The following CA7 variants were observed in gnomAD, a reference collection of about 807,000 sequenced individuals.
The protein encoded by CA7 is carbonic anhydrase 7, also known as carbonate dehydratase VII.
CA7 carries 13 observed loss-of-function variants against 31.4 expected under a neutral mutation model. The ratio of observed to expected loss-of-function variants is 0.41; its 90% CI spans 0.27 to 0.66. The LOEUF (loss-of-function observed/expected upper bound fraction) is 0.66, where lower values mean the gene tolerates loss of function less well. CA7 is among the 30% of genes least tolerant of loss of function. The pLI, the probability that CA7 is intolerant of heterozygous loss-of-function variation, is 0.28. For missense variants in CA7, 215 were observed against 351.0 expected (o/e 0.61, Z 3.10); for synonymous variants, 128 against 133.2 (o/e 0.96, Z 0.27).
rs771342266 is a variant in CA7 at position 66,853,124 on chromosome 16, A to T, written c.673-252A>T. On this transcript the variant is annotated intron_variant, in intron 6 of 6. Transcript: ENST00000338437. This position sits in a 1 kb window ranked among gnomAD's most constrained non-coding sequence, Gnocchi z 4.5. ...GCTACTGTGTTGGAATCTGAATGCT[A>T]CATTTGCTGATAAGTCTTAGCTAGA... is the stretch of plus-strand genomic sequence containing the variant. Among the ~76,000 whole-genome samples the T allele has an allele frequency of 2.6e-5, 4 of 152,138 alleles. No homozygotes were observed. Among genetic ancestry groups the T allele is most frequent in the African/African-American group, 2.4e-5 (1 of 41,388 alleles).
intron 5 of CA7, among the ~76,000 whole-genome samples, chr16:66,852,424 C>T (rs1961074918): frequency 6.7e-6 from 1 of 149,388 alleles, no homozygotes; most frequent in Admixed American, 6.7e-5. Flanking sequence ...GATCGTGCCA[C>T]TGCACTCCAG....
Position 66,844,856 on chromosome 16 carries a change from C to T in CA7, c.40+329C>T, listed in dbSNP as rs562224660. On this transcript the variant is annotated intron_variant, in intron 1 of 6. Coordinates refer to ENST00000338437, the MANE Select transcript of CA7 (RefSeq NM_005182.3). Reference sequence around the variant, plus strand: ...ACTCACTCGCCCCGGGCGTGCGCAGCGCGTGGGGGTGGCCCAGGGCAGCGG... The same window carrying T: ...ACTCACTCGCCCCGGGCGTGCGCAGTGCGTGGGGGTGGCCCAGGGCAGCGG... 50 of 1,030,824 alleles carry T rather than the reference C, an allele frequency of 4.9e-5. No homozygotes were observed. In the African/African-American group the frequency reaches 8.0e-4, roughly 17 times the overall value. The allele number at this position is 1,030,824 out of a possible 1,614,324, so 63.9% of individuals were successfully genotyped here.
Position 66,850,582 on chromosome 16 carries a change from C to T in CA7, c.280C>T (p.Gln94Ter), listed in dbSNP as rs1402977172. The T allele has an allele frequency of 1.2e-5, 19 of 1,613,900 alleles. No individual in the cohort carries two copies. Among genetic ancestry groups the T allele is most frequent in the Non-Finnish European group, 1.6e-5 (19 of 1,179,886 alleles). ...CCTGGAAGGGCCCTACCGCCTCAAG[C>T]AGTTTCACTTCCACTGGGGCAAGAA... Reference protein sequence around the residue: ...GPLEGPYRLKQFHFHWGKKHD... With the variant: ...GPLEGPYRLK Residue 94 changes from glutamine (Q) to a stop codon, truncating the protein, a stop_gained, in exon 3 of 7, where the codon CAG becomes TAG. Coordinates refer to ENST00000338437, the MANE Select transcript of CA7 (RefSeq NM_005182.3). LOFTEE classifies it high-confidence loss of function.
intron 2 of CA7, among the ~76,000 whole-genome samples, chr16:66,849,988 C>T (rs1961004702): frequency 1.3e-5 from 2 of 151,858 alleles, no homozygotes; most frequent in African/African-American, 4.8e-5. Context: ...GATGTGGTGG[C>T]AGGTGCCTGT....
rs1453576595 is a variant in CA7, at chr16:66,853,658, C to T, written c.*160C>T. The T allele has an allele frequency of 2.2e-6, 2 of 919,480 alleles. No homozygotes were observed. Among genetic ancestry groups the T allele is most frequent in the Admixed American group, 2.8e-5 (1 of 35,970 alleles). The allele number at this position is 919,480 out of a possible 1,614,324, so 57.0% of individuals were successfully genotyped here. ...ACCCTGGAGGCTTCTGGATGGGACC[C>T]TTGAGTCTGGGGCACCCTTCAGCTG... On this transcript the variant is annotated 3_prime_UTR_variant, in exon 7 of 7. Transcript: ENST00000338437. This position sits in a 1 kb window ranked among gnomAD's most constrained non-coding sequence, Gnocchi z 4.5.
chr16:66,851,642 C>G, intron 4 of CA7, 22 bp from the exon 5 acceptor site: 1 of 1,613,984 alleles, frequency 6.2e-7, no homozygotes, highest in Non-Finnish European at 8.5e-7. Flanking sequence ...GCTCTGGGCT[C>G]ACACTGCCCT....
At position 66,844,981 on chromosome 16, in the gene CA7, C is replaced by T. The variant is rs1029161861; in HGVS notation, c.40+454C>T. 5 of 993,228 alleles carry T rather than the reference C, an allele frequency of 5.0e-6. No homozygotes were observed. In the South Asian group the frequency reaches 1.4e-4, roughly 28 times the overall value. 61.5% of individuals were successfully genotyped at this position (993,228 alleles called of 1,614,324 possible). On this transcript the variant is annotated intron_variant, in intron 1 of 6. Transcript: ENST00000338437. ...GGAGCGGGGCTCCGCGTGGCAAGGG[C>T]GCAGTGTCCCCCGGAGAGAATTTCC...
intron 1 of CA7, among the ~76,000 whole-genome samples, chr16:66,846,101 G>A (rs544215793): frequency 6.6e-6 from 1 of 152,166 alleles, no homozygotes; most frequent in Non-Finnish European, 1.5e-5. Flanking sequence ...GTTCCCCAGG[G>A]AGATGCTGAG....
chr16:66,850,478 G>A (rs1961017018), intron 2 of CA7, 63 bp from the exon 3 acceptor site: 1 of 934,170 alleles, frequency 1.1e-6, no homozygotes, highest in East Asian at 2.4e-5. Flanking sequence ...TGCTGCCCTG[G>A]TCCTGGCACT....
chr16:66,844,834 C>A, intron 1 of CA7: 1 of 945,540 alleles, frequency 1.1e-6, no homozygotes, highest in Non-Finnish European at 1.4e-6. Flanking sequence ...GACTCTCACT[C>A]ACTCGCCCCG....
chr16:66,851,766 G>A (rs776799283), intron 5 of CA7, 40 bp downstream of exon 5: 1 of 1,571,370 alleles, frequency 6.4e-7, no homozygotes, highest in Non-Finnish European at 8.7e-7. Flanking sequence ...CCGATGGGGA[G>A]AGAGGAAGAG....
intron 1 of CA7, chr16:66,844,884 G>A (rs1299526781): frequency 9.3e-7 from 1 of 1,069,998 alleles, no homozygotes; most frequent in African/African-American, 1.7e-5. Context: ...GGCAGCGGGG[G>A]GCGGGCGCCG....
chr16:66,852,228 C>T (rs909090969), intron 5 of CA7, among the ~76,000 whole-genome samples: 2 of 151,974 alleles, frequency 1.3e-5, no homozygotes, highest in Admixed American at 6.6e-5. Context: ...TTTGGGAGGC[C>T]GAGGCAGGCG....
chr16:66,852,566 G>T, intron 5 of CA7, 146 bp from the exon 6 acceptor site: 1 of 503,886 alleles, frequency 2.0e-6, no homozygotes, highest in East Asian at 3.6e-5. Context: ...AAGAAAGAAA[G>T]AAAAAGAAAG....
At chr16:66,845,446 G>A (rs913484856) in intron 1 of CA7, among the ~76,000 whole-genome samples, 1 of 152,178 alleles carries the variant, frequency 6.6e-6, no homozygotes, top group African/African-American at 2.4e-5. Context: ...ACTTTGTGAG[G>A]TTGGGTGGGG....
Position 66,850,663 on chromosome 16 carries a change from C to T in CA7, c.357+4C>T, listed in dbSNP as rs753248584. The T allele has an allele frequency of 1.6e-5, 25 of 1,583,440 alleles. No individual in the cohort carries two copies. In the African/African-American group the frequency reaches 1.9e-4, roughly 12 times the overall value. On this transcript the variant is annotated splice_donor_region_variant and intron_variant, in intron 3 of 6. Coordinates refer to ENST00000338437, the MANE Select transcript of CA7 (RefSeq NM_005182.3). Reference sequence around the variant, plus strand: ...CGGCAAGTCCTTCCCCAGCGAGGTACGGGCCCTCCTCCACTTGAATCCCTC... The same window carrying T: ...CGGCAAGTCCTTCCCCAGCGAGGTATGGGCCCTCCTCCACTTGAATCCCTC...
intron 5 of CA7, 84 bp downstream of exon 5, chr16:66,851,810 A>C (rs1247204660): frequency 2.5e-6 from 3 of 1,209,706 alleles, no homozygotes; most frequent in East Asian, 2.5e-5. Flanking sequence ...CCAGTCCTTC[A>C]TTCTGGGAGT....
intron 2 of CA7, among the ~76,000 whole-genome samples, chr16:66,848,663 G>A (rs2145379784): frequency 6.6e-6 from 1 of 152,340 alleles, no homozygotes; most frequent in Admixed American, 6.5e-5. Context: ...ACGGGTTGAT[G>A]CCAGCAGAGT....
In CA7 at chr16:66,844,468, G is replaced by A; in HGVS notation, c.-20G>A. On this transcript the variant is annotated 5_prime_UTR_variant, in exon 1 of 7. Coordinates refer to ENST00000338437, the MANE Select transcript of CA7 (RefSeq NM_005182.3). ...ACCGAGCCGACCGGGCAGGTGCACG[G>A]CTGCGGGGACGGCAGCGGCATGACC... The A allele has an allele frequency of 6.5e-7, 1 of 1,539,476 alleles. No homozygotes were observed. The highest frequency in any genetic ancestry group is 2.5e-5 in the East Asian group (1 of 39,856).
Sources: gnomAD v4.1 joint callset for allele counts (sites outside exome capture counted in the v4.1 genomes callset) on GRCh38, gnomAD v4.1.1 for gene constraint, Gnocchi (gnomAD v3.1) non-coding constraint, MANE v1.5 for transcripts, NCBI Gene and HGNC (gene_info 2026-07-23, HGNC 2026-07-21) for gene names.